The following WDFY4 variants were observed in gnomAD, a reference collection of about 807,000 sequenced individuals.
WDFY4 encodes WDFY family member 4.
Under a neutral mutation model 351.9 loss-of-function variants are expected in WDFY4, and 169 were observed. That is an observed-to-expected ratio of 0.48 (90% CI 0.42 to 0.55). The LOEUF (loss-of-function observed/expected upper bound fraction) is 0.55. WDFY4 is among the 20% of genes least tolerant of loss of function. WDFY4 has a pLI of 0.00. For missense variants in WDFY4, 3,803 were observed against 3,935.6 expected (o/e 0.97, Z 0.90); for synonymous variants, 1,622 against 1,574.6 (o/e 1.03, Z -0.71).
intron 47 of WDFY4, chr10:48,913,356 C>T: frequency 6.3e-7 from 1 of 1,589,144 alleles, no homozygotes; most frequent in Non-Finnish European, 8.6e-7. Flanking sequence ...CTCCCTCTCT[C>T]TTTCCCTTCT....
intron 44 of WDFY4, among the ~76,000 whole-genome samples, chr10:48,894,753 A>G (rs1009716070): frequency 6.6e-6 from 1 of 152,230 alleles, no homozygotes; most frequent in Non-Finnish European, 1.5e-5. Flanking sequence ...GGTTCCCACA[A>G]GCATGGGATG....
intron 13 of WDFY4, among the ~76,000 whole-genome samples, chr10:48,768,839 G>A (rs1304255484): frequency 6.6e-6 from 1 of 152,002 alleles, no homozygotes; most frequent in Non-Finnish European, 1.5e-5. Context: ...TTGGATGAAG[G>A]GACACGTGAC....
intron 42 of WDFY4, among the ~76,000 whole-genome samples, chr10:48,875,826 T>C (rs548620960): frequency 3.3e-5 from 5 of 152,216 alleles, no homozygotes; most frequent in Non-Finnish European, 7.3e-5. Context: ...AGTGAGGATC[T>C]TGGGCTCTGA....
At chr10:48,885,696 T>C (rs976472031) in intron 43 of WDFY4, among the ~76,000 whole-genome samples, 1 of 151,998 alleles carries the variant, frequency 6.6e-6, no homozygotes, top group Non-Finnish European at 1.5e-5. Flanking sequence ...ATGTAAAATA[T>C]AAAACAATAA....
In WDFY4 at chr10:48,822,090, C is replaced by G. The variant is rs1468424639; in HGVS notation, c.5825-290C>G. Among the ~76,000 whole-genome samples the G allele has an allele frequency of 2.0e-5, 3 of 152,234 alleles. No individual in the cohort carries two copies. The East Asian group carries it at 5.8e-4, about 29-fold the overall frequency. On this transcript the variant is annotated intron_variant, in intron 34 of 61. Coordinates refer to ENST00000325239, the MANE Select transcript of WDFY4 (RefSeq NM_001394531.1). ...CATCATGATGCCTGCTCATTTGTCTCAAGCAGCACATTCTCCCCCATCCTC... is the reference window on the plus strand; with the variant it reads ...CATCATGATGCCTGCTCATTTGTCTGAAGCAGCACATTCTCCCCCATCCTC...
At chr10:48,823,124 A>G in intron 35 of WDFY4, 2 of 1,302,102 alleles carry the variant, frequency 1.5e-6, no homozygotes, top group Non-Finnish European at 2.0e-6. Context: ...ATATACACAC[A>G]GAGAGAATCG....
intron 39 of WDFY4, among the ~76,000 whole-genome samples, chr10:48,857,385 A>C (rs1444040625): frequency 6.6e-6 from 1 of 151,950 alleles, no homozygotes; most frequent in Non-Finnish European, 1.5e-5. Context: ...AATACACATG[A>C]TGATTTTTAT....
At chr10:48,877,642 C>T (rs1423136952) in intron 43 of WDFY4, among the ~76,000 whole-genome samples, 1 of 152,226 alleles carries the variant, frequency 6.6e-6, no homozygotes, top group Non-Finnish European at 1.5e-5. Flanking sequence ...TCCGCACTGT[C>T]CCTATGCCTC....
intron 35 of WDFY4, chr10:48,823,438 A>G: frequency 8.4e-7 from 1 of 1,192,462 alleles, no homozygotes; most frequent in Non-Finnish European, 1.1e-6. Flanking sequence ...ATAGAGAGTG[A>G]AATTGGCTCC....
In WDFY4 at chr10:48,897,495, G is replaced by A. The variant is rs1481259615; in HGVS notation, c.7358G>A (p.Arg2453Lys). Reference sequence around the variant, plus strand: ...ATTTTCAACCTGTGCAGCAAAGACAGGTCCACTGACCATTACTCGTGCCAG... The same window carrying A: ...ATTTTCAACCTGTGCAGCAAAGACAAGTCCACTGACCATTACTCGTGCCAG... ...PFIFNLCSKDRSTDHYSCQCH... is the reference protein window; with the variant it reads ...PFIFNLCSKDKSTDHYSCQCH... Residue 2453 changes from arginine (R) to lysine (K), a missense_variant, in exon 45 of 62, where the codon AGG (arginine) becomes AAG (lysine). Physicochemically the swap from Arg to Lys is conservative, Grantham distance 26 (BLOSUM62 2). Transcript: ENST00000325239. The A allele has an allele frequency of 2.6e-6, 4 of 1,551,574 alleles. No individual in the cohort carries two copies. The highest frequency in any genetic ancestry group is 1.7e-6 in the Non-Finnish European group (2 of 1,147,058).
intron 4 of WDFY4, among the ~76,000 whole-genome samples, chr10:48,722,921 A>C (rs371597968): frequency 6.6e-6 from 1 of 151,418 alleles, no homozygotes; most frequent in Non-Finnish European, 1.5e-5. Flanking sequence ...CACCTATTGC[A>C]CTCTTTGGAC....
At chr10:48,775,879 T>A in intron 15 of WDFY4, 73 bp downstream of exon 15, 1 of 1,358,102 alleles carries the variant, frequency 7.4e-7, no homozygotes, top group Non-Finnish European at 1.0e-6. Context: ...TGAGGGATCC[T>A]TTACAACAGG....
At chr10:48,888,725 T>A (rs1481094414) in intron 43 of WDFY4, among the ~76,000 whole-genome samples, 1 of 152,214 alleles carries the variant, frequency 6.6e-6, no homozygotes, top group East Asian at 1.9e-4. Context: ...TAACTGGATG[T>A]CCCCGTTCCT....
Position 48,811,757 on chromosome 10 carries a change from C to T in WDFY4, c.5214+49C>T, listed in dbSNP as rs770799063. ...GGTGACACACTTGGTTTTCTGATTC[C>T]ACATGACTAAGGCAGGTCGCCAAGA... On this transcript the variant is annotated intron_variant, in intron 30 of 61. Transcript: ENST00000325239. 3.3e-5 allele frequency: 51 copies of T among 1,534,052 alleles called. No individual in the cohort carries two copies. In the African/African-American group the frequency reaches 6.2e-4, roughly 19 times the overall value.
Position 48,778,659 on chromosome 10 carries a change from G to C in WDFY4, c.3224G>C (p.Trp1075Ser). ...PPPGGLTFSC[W>S]FLISRHGAAT... ...CCTGGAGGTCTGACCTTCTCCTGCT[G>C]GTTCCTGATCAGCCGGCATGGAGCT... Residue 1075 changes from tryptophan to serine, a missense_variant, in exon 18 of 62, where the codon TGG becomes TCG. Around this residue, in one of 3 missense-constraint regions of WDFY4, gnomAD observed 3,054 missense variants for 3,148.6 expected, o/e 0.97. Coordinates refer to ENST00000325239, the MANE Select transcript of WDFY4 (RefSeq NM_001394531.1). 1 of 1,551,616 alleles carries C rather than the reference G, an allele frequency of 6.4e-7. No individual in the cohort carries two copies. The highest frequency in any genetic ancestry group is 8.7e-7 in the Non-Finnish European group (1 of 1,147,016).
In WDFY4 at chr10:48,821,184, G is replaced by A; in HGVS notation, c.5824+8G>A. 1.9e-6 allele frequency: 3 copies of A among 1,544,748 alleles called. No individual in the cohort carries two copies. Among genetic ancestry groups the A allele is most frequent in the Non-Finnish European group, 1.8e-6 (2 of 1,140,830 alleles). Reference sequence around the variant, plus strand: ...ATGCAGCGATGTTCAGAGGTGAGTGGGGCAACTCGGTCCCCTCCATTCATG... The same window carrying A: ...ATGCAGCGATGTTCAGAGGTGAGTGAGGCAACTCGGTCCCCTCCATTCATG... On this transcript the variant is annotated splice_region_variant and intron_variant, in intron 34 of 61. Transcript: ENST00000325239.
chr10:48,943,151 G>A (rs1388727154), intron 48 of WDFY4, among the ~76,000 whole-genome samples, 179 bp from the exon 49 acceptor site: 9 of 151,360 alleles, frequency 5.9e-5, no homozygotes, highest in Non-Finnish European at 7.4e-5. Flanking sequence ...ACTTGCCTCC[G>A]TTCATACTGA....
At position 48,900,265 on chromosome 10, in the gene WDFY4, T is replaced by G; in HGVS notation, c.7482T>G (p.Phe2494Leu). 6.4e-7 allele frequency: 1 copy of G among 1,551,724 alleles called. No homozygotes were observed. Among genetic ancestry groups the G allele is most frequent in the Non-Finnish European group, 8.7e-7 (1 of 1,146,972 alleles). The stretch of plus-strand genomic sequence containing the variant: ...TCTTCCACAATGGATATTCCAAGTT[T>G]CTTGTCTTCTACAACAATGATCGGA... ...EIFFHNGYSK[F>L]LVFYNNDRSK... Residue 2494 changes from phenylalanine to leucine, a missense_variant, in exon 46 of 62, where the codon TTT becomes TTG. Around this residue, in one of 3 missense-constraint regions of WDFY4, gnomAD observed 3,054 missense variants for 3,148.6 expected, o/e 0.97. Transcript: ENST00000325239.
chr10:48,827,005 A>G (rs1429651574), intron 36 of WDFY4, 96 bp downstream of exon 36: 5 of 1,004,794 alleles, frequency 5.0e-6, no homozygotes, highest in South Asian at 4.9e-5. Context: ...TTCTGTATAA[A>G]TGATATCATC....
Sources: allele counts gnomAD v4.1 joint callset (sites outside exome capture counted in the v4.1 genomes callset), GRCh38; gene constraint gnomAD v4.1.1; regional missense constraint gnomAD v4.1.1; transcripts MANE v1.5; gene names NCBI Gene and HGNC (gene_info 2026-07-23, HGNC 2026-07-21).